The following ME3 variants were observed in gnomAD, a reference collection of about 807,000 sequenced individuals.
ME3 encodes NADP-dependent malic enzyme, mitochondrial.
In ME3, 48 loss-of-function variants were observed where a neutral mutation model predicts 68.9. The observed-to-expected ratio is 0.70, with a 90% CI of 0.55 to 0.89. The LOEUF is 0.89. ME3 is among the 40% of genes least tolerant of loss of function. The pLI, the probability that ME3 is intolerant of heterozygous loss-of-function variation, is 0.00. For synonymous variants in ME3, 320 were observed against 318.8 expected, an observed-to-expected ratio of 1.00 and a Z score of -0.04; for missense variants, 675 against 797.4, an observed-to-expected ratio of 0.85 and a Z score of 1.85.
At chr11:86,563,296 A>G (rs1957330185) in intron 2 of ME3, among the ~76,000 whole-genome samples, 1 of 152,164 alleles carries the variant, frequency 6.6e-6, no homozygotes, top group Non-Finnish European at 1.5e-5. Context: ...TTTACAGTGT[A>G]TAAGCTTTCT....
At chr11:86,636,939 G>A (rs12790474) in intron 2 of ME3, among the ~76,000 whole-genome samples, 1 of 151,994 alleles carries the variant, frequency 6.6e-6, no homozygotes, top group Non-Finnish European at 1.5e-5. Flanking sequence ...TTAGGATGCT[G>A]TGAGGCCAGA....
chr11:86,572,248 C>A (rs2139556217), intron 2 of ME3, among the ~76,000 whole-genome samples: 1 of 151,398 alleles, frequency 6.6e-6, no homozygotes, highest in African/African-American at 2.4e-5. Context: ...TACTTGCGGG[C>A]AGCCCTGGAC....
At chr11:86,669,086 G>C (rs1946753092) in intron 2 of ME3, among the ~76,000 whole-genome samples, 1 of 152,236 alleles carries the variant, frequency 6.6e-6, no homozygotes, top group African/African-American at 2.4e-5. Context: ...CTTCCATGGA[G>C]ACTCTCTGAG....
intron 2 of ME3, among the ~76,000 whole-genome samples, chr11:86,574,666 A>T (rs1040577133): frequency 6.6e-6 from 1 of 152,162 alleles, no homozygotes; most frequent in African/African-American, 2.4e-5. Context: ...CAGAGTTCCT[A>T]TGTGACATAT....
chr11:86,509,406 ACACACAC>A (rs1953337617), intron 4 of ME3, among the ~76,000 whole-genome samples: 6 of 83,256 alleles, frequency 7.2e-5, no homozygotes, highest in Non-Finnish European at 1.2e-4. Flanking sequence ...CATCACACAC[ACACACAC>A]ACACACACAC....
intron 4 of ME3, among the ~76,000 whole-genome samples, chr11:86,518,206 T>G (rs1565889102): frequency 6.6e-6 from 1 of 151,540 alleles, no homozygotes; most frequent in Non-Finnish European, 1.5e-5. Context: ...TATTTAGAGT[T>G]GAAAACACTT....
Position 86,463,233 on chromosome 11 carries a change from A to G in ME3, c.919+1858T>C, listed in dbSNP as rs371197896. ...GTGTCTGTACAGCTGGAGGCTGTGC[A>G]CCAGGTGTGCCGCCTGCATGGACTT... On this transcript the variant is annotated intron_variant, in intron 8 of 14. Coordinates refer to ENST00000543262, the Ensembl canonical transcript of ME3. 7.2e-5 allele frequency among the ~76,000 whole-genome samples: 11 copies of G among 152,290 alleles called. No individual in the cohort carries two copies. In the South Asian group the frequency reaches 2.3e-3, roughly 32 times the overall value.
chr11:86,559,935 G>C (rs961820061), intron 2 of ME3, 112 bp from the exon 3 acceptor site: 25 of 1,163,914 alleles, frequency 2.1e-5, no homozygotes, highest in Middle Eastern at 4.2e-4. Flanking sequence ...CAGTAGAAAG[G>C]GCCCTCAACT....
chr11:86,603,923 A>T (rs56169211), intron 2 of ME3, among the ~76,000 whole-genome samples: 6,135 of 121,290 alleles, frequency 0.051, 159 homozygotes, highest in Middle Eastern at 0.15. Context: ...GGAAGGGGAA[A>T]ATCACACTCT....
rs77280271 is a variant in ME3 at position 86,566,176 on chromosome 11, A to G, written c.184-6353T>C. Among the ~76,000 whole-genome samples, 398 of 152,312 alleles carry G rather than the reference A, an allele frequency of 2.6e-3. 5 individuals carry two copies. Among genetic ancestry groups the G allele is most frequent in the African/African-American group, 8.4e-3 (351 of 41,570 alleles). The stretch of plus-strand genomic sequence containing the variant: ...CAGACATCAAGAAGGAAGGGGCCAG[A>G]ATCCCCATGGGGACTGTGCTGGCCT... On this transcript the variant is annotated intron_variant, in intron 2 of 14. Coordinates refer to ENST00000543262, the Ensembl canonical transcript of ME3.
chr11:86,660,323 A>G (rs147072902), intron 2 of ME3, among the ~76,000 whole-genome samples: 103 of 152,338 alleles, frequency 6.8e-4, no homozygotes, highest in Middle Eastern at 6.8e-3. Flanking sequence ...CACATCTGTG[A>G]CTTCTGCAGC....
intron 2 of ME3, among the ~76,000 whole-genome samples, chr11:86,594,283 C>T (rs1356035971): frequency 6.8e-6 from 1 of 146,692 alleles, no homozygotes; most frequent in Non-Finnish European, 1.5e-5. Context: ...ATTTATAACA[C>T]TTAATAAAAA....
chr11:86,458,401 A>C (rs1373827182), intron 8 of ME3, among the ~76,000 whole-genome samples: 1 of 152,190 alleles, frequency 6.6e-6, no homozygotes, highest in Non-Finnish European at 1.5e-5. Context: ...TCTAGAGGGC[A>C]CTTCTCTGGC....
At position 86,471,843 on chromosome 11, in the gene ME3, A is replaced by G. The variant is rs142544476; in HGVS notation, c.810-6643T>C. Among the ~76,000 whole-genome samples, 36 of 152,336 alleles carry G rather than the reference A, an allele frequency of 2.4e-4. 1 individual carries two copies. In the South Asian group the frequency reaches 3.3e-3, roughly 14 times the overall value. On this transcript the variant is annotated intron_variant, in intron 7 of 14. Coordinates refer to ENST00000543262, the Ensembl canonical transcript of ME3. ...AAACAAACATTTCAAAGTGTCTACT[A>G]TGAACAAGGGACTGTACTACTTGCT...
intron 2 of ME3, among the ~76,000 whole-genome samples, chr11:86,652,389 T>G (rs1009373495): frequency 8.5e-5 from 13 of 152,170 alleles, no homozygotes; most frequent in African/African-American, 1.9e-4. Context: ...GACTAACAGC[T>G]GATCTCTCTG....
chr11:86,534,443 G>A (rs776829694), intron 4 of ME3, among the ~76,000 whole-genome samples: 2 of 152,108 alleles, frequency 1.3e-5, no homozygotes, highest in Non-Finnish European at 2.9e-5. Context: ...GGGAAGCTGA[G>A]GCTCACAGAT....
chr11:86,643,692 G>T (rs773451268), intron 2 of ME3, among the ~76,000 whole-genome samples: 2 of 152,056 alleles, frequency 1.3e-5, no homozygotes, highest in Non-Finnish European at 2.9e-5. Context: ...CTATTATACT[G>T]CTTTACTCTT....
At chr11:86,457,498 C>T in intron 8 of ME3, 1 of 1,049,632 alleles carries the variant, frequency 9.5e-7, no homozygotes, top group Non-Finnish European at 1.2e-6. Context: ...TATTTCTGCA[C>T]TTGGTACAGG....
chr11:86,579,753 A>G (rs11234698), intron 2 of ME3, among the ~76,000 whole-genome samples: 18,831 of 152,148 alleles, frequency 0.12, 1,771 homozygotes, highest in African/African-American at 0.26. Flanking sequence ...TTTGGAATTT[A>G]AGGATAGGTG....
Sources: gnomAD v4.1 joint callset for allele counts (sites outside exome capture counted in the v4.1 genomes callset) on GRCh38, gnomAD v4.1.1 for gene constraint, MANE v1.5 for transcripts, NCBI Gene and HGNC (gene_info 2026-07-23, HGNC 2026-07-21) for gene names.